Variants in LRP1B observed in about 807,000 individuals in gnomAD.
LRP1B encodes LDL receptor related protein 1B.
LRP1B carries 217 observed loss-of-function variants against 556.6 expected under a neutral mutation model. That is an observed-to-expected ratio of 0.39 (90% CI 0.35 to 0.44). The LOEUF (loss-of-function observed/expected upper bound fraction) is 0.44, where lower values mean the gene tolerates loss of function less well. Among genes scored for constraint, LRP1B ranks in the 20% least tolerant of loss-of-function variants. The probability of loss-of-function intolerance (pLI) is 1.00; values close to 1 mark genes in which losing one functional copy is unlikely to be tolerated. For synonymous variants in LRP1B, 2,047 were observed against 1,865.8 expected (o/e 1.10, Z -2.50); for missense variants, 5,053 against 5,620.8 (o/e 0.90, Z 3.23).
chr2:141,777,852 T>C (rs1484877009), intron 2 of LRP1B, among the ~76,000 whole-genome samples: 2 of 151,964 alleles, frequency 1.3e-5, no homozygotes, highest in African/African-American at 2.4e-5. Context: ...GAAGTTCGTT[T>C]ACTTTTATGA....
At position 140,840,963 on chromosome 2, in the gene LRP1B, T is replaced by C. The variant is rs1051749668; in HGVS notation, c.5069A>G (p.His1690Arg). ...LDGSLKTSIIHGIDKPQCLAA... is the reference protein window; with the variant it reads ...LDGSLKTSIIRGIDKPQCLAA... The stretch of plus-strand genomic sequence containing the variant: ...AAGACACTGTGGCTTATCGATTCCA[T>C]GGATAATTGAGGTTTTCAAAGAGCC... The change falls in exon 30 of 91, where the codon CAT becomes CGT. Residue 1690 changes from histidine (H) to arginine (R), a missense_variant. Transcript: ENST00000389484. The C allele has an allele frequency of 1.2e-6, 2 of 1,613,326 alleles. No homozygotes were observed. Among genetic ancestry groups the C allele is most frequent in the Non-Finnish European group, 1.7e-6 (2 of 1,179,648 alleles).
chr2:141,168,411 A>G (rs572003638), intron 7 of LRP1B, among the ~76,000 whole-genome samples: 2 of 152,212 alleles, frequency 1.3e-5, no homozygotes, highest in South Asian at 2.1e-4. Context: ...ACTGTGCAAG[A>G]CAGTAAACTA....
intron 1 of LRP1B, among the ~76,000 whole-genome samples, chr2:141,919,662 A>G (rs548056571): frequency 6.6e-5 from 10 of 152,090 alleles, no homozygotes; most frequent in South Asian, 2.1e-4. Context: ...TTAATTAGGC[A>G]TGACAGCATT....
intron 2 of LRP1B, among the ~76,000 whole-genome samples, chr2:141,530,048 TCATAAAG>T (rs1684818986): frequency 1.3e-5 from 2 of 152,152 alleles, no homozygotes; most frequent in South Asian, 4.1e-4. Flanking sequence ...AGGTGAAATC[TCATAAAG>T]CATTGTCATT....
intron 1 of LRP1B, among the ~76,000 whole-genome samples, chr2:142,097,089 G>A (rs1706400963): frequency 6.6e-6 from 1 of 150,712 alleles, no homozygotes; most frequent in Non-Finnish European, 1.5e-5. Context: ...CAACAGTCCT[G>A]CTGTATTTAT....
chr2:140,991,201 ATAT>A (rs1427793803), intron 16 of LRP1B, among the ~76,000 whole-genome samples: 11 of 152,172 alleles, frequency 7.2e-5, no homozygotes, highest in Non-Finnish European at 1.6e-4. Context: ...TAAAGTACCA[ATAT>A]TATACATATG....
intron 2 of LRP1B, among the ~76,000 whole-genome samples, chr2:141,808,973 C>A (rs140843948): frequency 6.6e-6 from 1 of 152,184 alleles, no homozygotes; most frequent in Non-Finnish European, 1.5e-5. Context: ...GGGTTTATCA[C>A]AATTTATCCA....
At chr2:140,974,582 C>A (rs1291108641) in intron 18 of LRP1B, among the ~76,000 whole-genome samples, 1 of 151,958 alleles carries the variant, frequency 6.6e-6, no homozygotes, top group African/African-American at 2.4e-5. Flanking sequence ...TACAAACCTG[C>A]TTTAATAGGA....
At chr2:140,908,320 GCT>G (rs199947973) in intron 21 of LRP1B, among the ~76,000 whole-genome samples, 34 of 138,440 alleles carry the variant, frequency 2.5e-4, no homozygotes, top group South Asian at 1.4e-3. Context: ...TCATTGCTCT[GCT>G]CTCTCTCTCT....
At chr2:141,995,647 A>G (rs1476065256) in intron 1 of LRP1B, among the ~76,000 whole-genome samples, 1 of 152,168 alleles carries the variant, frequency 6.6e-6, no homozygotes, top group Non-Finnish European at 1.5e-5. Flanking sequence ...ATACAAATAA[A>G]TGCTCCCATA....
At chr2:140,464,294 T>C (rs1687451072) in intron 60 of LRP1B, among the ~76,000 whole-genome samples, 3 of 152,124 alleles carry the variant, frequency 2.0e-5, no homozygotes, top group African/African-American at 7.2e-5. Context: ...GCTGAAGGCA[T>C]CCATGGCCCA....
chr2:140,972,548 C>T (rs1443364732), intron 18 of LRP1B, among the ~76,000 whole-genome samples: 2 of 151,732 alleles, frequency 1.3e-5, no homozygotes, highest in Non-Finnish European at 2.9e-5. Flanking sequence ...CTTTGATGTT[C>T]TCAGAATATT....
chr2:141,219,701 CCT>C (rs1203983144), intron 6 of LRP1B, among the ~76,000 whole-genome samples: 3 of 152,042 alleles, frequency 2.0e-5, no homozygotes, highest in African/African-American at 7.2e-5. Flanking sequence ...GCTTGGTGCC[CCT>C]CTGAGATGGA....
intron 3 of LRP1B, among the ~76,000 whole-genome samples, chr2:141,417,477 A>G (rs974371846): frequency 6.6e-6 from 1 of 152,188 alleles, no homozygotes; most frequent in African/African-American, 2.4e-5. Context: ...AGAATCATGC[A>G]AAAATTTTTC....
At chr2:140,615,722 T>C (rs532434293) in intron 41 of LRP1B, among the ~76,000 whole-genome samples, 1 of 152,224 alleles carries the variant, frequency 6.6e-6, no homozygotes, top group South Asian at 2.1e-4. Context: ...AAATTCCATT[T>C]GCTTTGAACA....
At chr2:141,450,953 C>T (rs999762474) in intron 3 of LRP1B, among the ~76,000 whole-genome samples, 1 of 152,142 alleles carries the variant, frequency 6.6e-6, no homozygotes. Context: ...TAATAATAGA[C>T]ATCAGCTTAA....
chr2:140,802,780 G>C (rs1690560808), intron 32 of LRP1B, among the ~76,000 whole-genome samples: 1 of 152,068 alleles, frequency 6.6e-6, no homozygotes. Context: ...ACTTAAAAAA[G>C]GGAGGCATTG....
intron 1 of LRP1B, among the ~76,000 whole-genome samples, chr2:141,902,323 A>G (rs1699642106): frequency 6.6e-6 from 1 of 151,916 alleles, no homozygotes; most frequent in Non-Finnish European, 1.5e-5. Context: ...ATTTTTATTA[A>G]TTTCTAAAAG....
rs1332055152 is a variant in LRP1B, at chr2:140,841,215, G to T, written c.4940-123C>A. The T allele has an allele frequency of 6.6e-6, 4 of 608,548 alleles. No individual in the cohort carries two copies. The South Asian group carries it at 7.7e-5, about 12-fold the overall frequency. The allele number at this position is 608,548 out of a possible 1,614,324, so 37.7% of individuals were successfully genotyped here. A position where few individuals can be genotyped will look rare whatever the true frequency, so the allele number is the denominator to read the frequency against. ...ATACTTTAATTTGTTAGCTAAAATC[G>T]CACAAGATTGTAATCTCATTCCCTT... On this transcript the variant is annotated intron_variant, in intron 29 of 90. Coordinates refer to ENST00000389484, the MANE Select transcript of LRP1B (RefSeq NM_018557.3).
Sources: allele counts gnomAD v4.1 joint callset (sites outside exome capture counted in the v4.1 genomes callset), GRCh38; gene constraint gnomAD v4.1.1; transcripts MANE v1.5; gene names NCBI Gene and HGNC (gene_info 2026-07-23, HGNC 2026-07-21).